The following COL25A1 variants were observed in gnomAD, a reference collection of about 807,000 sequenced individuals.
The protein encoded by COL25A1 is collagen alpha-1(XXV) chain.
Under a neutral mutation model 128.4 loss-of-function variants are expected in COL25A1, and 103 were observed. That is an observed-to-expected ratio of 0.80 (90% CI 0.68 to 0.94). COL25A1 has a LOEUF of 0.94. Ranked by LOEUF, COL25A1 falls within the 40% of genes least tolerant of loss-of-function variation. The pLI, the probability that COL25A1 is intolerant of heterozygous loss-of-function variation, is 0.00. For synonymous variants in COL25A1, 279 were observed against 277.2 expected (o/e 1.01, Z -0.06); for missense variants, 745 against 840.0 (o/e 0.89, Z 1.40).
intron 3 of COL25A1, among the ~76,000 whole-genome samples, chr4:109,083,297 A>G (rs1338836138): frequency 1.3e-5 from 2 of 152,048 alleles, no homozygotes; most frequent in Non-Finnish European, 2.9e-5. Context: ...GTGAAAGGCT[A>G]AAAAAGGAAA....
intron 24 of COL25A1, among the ~76,000 whole-genome samples, 190 bp downstream of exon 24, chr4:108,859,466 T>C (rs528205266): frequency 1.3e-5 from 2 of 152,086 alleles, no homozygotes; most frequent in African/African-American, 4.8e-5. Context: ...GATTGAAAAA[T>C]GCTACAAAAT....
chr4:109,117,415 T>C (rs1319612857), intron 3 of COL25A1, among the ~76,000 whole-genome samples: 1 of 152,048 alleles, frequency 6.6e-6, no homozygotes, highest in African/African-American at 2.4e-5. Context: ...TCTGTGAAAT[T>C]ATTCTTCATA....
chr4:109,039,422 G>GT (rs1374997674), intron 5 of COL25A1, among the ~76,000 whole-genome samples: 5 of 152,106 alleles, frequency 3.3e-5, no homozygotes, highest in East Asian at 1.9e-4. Context: ...CAAAATGACA[G>GT]TTTTTTCTTG....
At chr4:108,832,628 A>C in intron 31 of COL25A1, 195 bp from the exon 32 acceptor site, 1 of 484,276 alleles carries the variant, frequency 2.1e-6, no homozygotes, top group Non-Finnish European at 3.6e-6. Context: ...GAAGTATATA[A>C]CTGCATGTTT....
At chr4:109,103,226 T>C (rs1302620208) in intron 3 of COL25A1, among the ~76,000 whole-genome samples, 2 of 152,288 alleles carry the variant, frequency 1.3e-5, no homozygotes, top group East Asian at 1.9e-4. Context: ...AAAAATTCAA[T>C]GTTTTCATAG....
chr4:109,137,862 T>G (rs1313903037), intron 3 of COL25A1, among the ~76,000 whole-genome samples: 3 of 152,136 alleles, frequency 2.0e-5, no homozygotes, highest in African/African-American at 7.2e-5. Flanking sequence ...CCTACATGCA[T>G]CTGAAAGAAG....
intron 5 of COL25A1, among the ~76,000 whole-genome samples, chr4:109,027,254 G>A (rs1472055352): frequency 2.0e-5 from 3 of 152,140 alleles, no homozygotes; most frequent in Non-Finnish European, 4.4e-5. Context: ...CAATGGGAGG[G>A]CGCTATTTTA....
At chr4:109,144,448 TCA>T (rs1367655488) in intron 3 of COL25A1, among the ~76,000 whole-genome samples, 1 of 152,184 alleles carries the variant, frequency 6.6e-6, no homozygotes, top group African/African-American at 2.4e-5. Context: ...GCTGCTCTCT[TCA>T]CAGTCAGCAG....
chr4:109,002,062 G>C (rs1336560601), intron 6 of COL25A1, among the ~76,000 whole-genome samples: 2 of 152,156 alleles, frequency 1.3e-5, no homozygotes, highest in Non-Finnish European at 2.9e-5. Flanking sequence ...AAGATAACAA[G>C]TGTTGGTAAG....
rs376602089 is a variant in COL25A1, at chr4:109,281,973, A to G, written c.367+18610T>C. On this transcript the variant is annotated intron_variant, in intron 3 of 37. Coordinates refer to ENST00000399132, the MANE Select transcript of COL25A1 (RefSeq NM_198721.4). ...ACAGTGAGTGCTCTTTCTAAGTCAC[A>G]GTCGAATGTGCTATTGTTAATATAA... Among the ~76,000 whole-genome samples the G allele has an allele frequency of 4.1e-4, 63 of 152,348 alleles. 2 individuals carry two copies. The East Asian group carries it at 0.011, about 27-fold the overall frequency.
intron 5 of COL25A1, among the ~76,000 whole-genome samples, chr4:109,030,435 G>T (rs1314654455): frequency 6.6e-6 from 1 of 152,200 alleles, no homozygotes; most frequent in Non-Finnish European, 1.5e-5. Context: ...CAGGGGCAAG[G>T]AATGAGCTGG....
At chr4:108,872,973 G>C (rs1284321086) in intron 19 of COL25A1, among the ~76,000 whole-genome samples, 2 of 151,788 alleles carry the variant, frequency 1.3e-5, no homozygotes, top group Admixed American at 1.3e-4. Context: ...GCTCACTGCA[G>C]GCTTGATCCC....
intron 5 of COL25A1, among the ~76,000 whole-genome samples, chr4:109,041,493 A>G (rs1263611451): frequency 6.6e-6 from 1 of 151,780 alleles, no homozygotes; most frequent in Non-Finnish European, 1.5e-5. Flanking sequence ...CAAGTGATAC[A>G]CCAATGTATG....
chr4:108,910,401 A>G (rs550462738), intron 13 of COL25A1, among the ~76,000 whole-genome samples: 3 of 152,332 alleles, frequency 2.0e-5, no homozygotes, highest in African/African-American at 7.2e-5. Flanking sequence ...TCAAAGAGGA[A>G]AACAATCTAC....
At chr4:108,936,743 A>G (rs1747459464) in intron 11 of COL25A1, among the ~76,000 whole-genome samples, 1 of 149,906 alleles carries the variant, frequency 6.7e-6, no homozygotes, top group South Asian at 2.1e-4. Flanking sequence ...AGCCCAAAGA[A>G]GCCTTGTTGA....
chr4:109,021,516 C>A (rs957395867), intron 5 of COL25A1, among the ~76,000 whole-genome samples: 3 of 152,088 alleles, frequency 2.0e-5, no homozygotes, highest in South Asian at 2.1e-4. Flanking sequence ...CTGCATTAAC[C>A]GTACAAATTG....
intron 3 of COL25A1, among the ~76,000 whole-genome samples, chr4:109,229,161 T>C (rs1439660899): frequency 6.7e-6 from 1 of 149,262 alleles, no homozygotes; most frequent in Non-Finnish European, 1.5e-5. Flanking sequence ...CCTAAAAAAA[T>C]TGGATTTCTA....
chr4:108,819,913 G>T (rs1281757519), intron 35 of COL25A1: 11 of 1,179,496 alleles, frequency 9.3e-6, no homozygotes, highest in African/African-American at 7.9e-5. Flanking sequence ...GGATACAAGG[G>T]TTTAAATAAA....
chr4:109,211,473 AATG>A (rs1777558019), intron 3 of COL25A1, among the ~76,000 whole-genome samples: 2 of 126,202 alleles, frequency 1.6e-5, no homozygotes, highest in African/African-American at 6.9e-5. Context: ...AATGTTCCTT[AATG>A]TTCATTCTGA....
Sources: allele counts gnomAD v4.1 joint callset (sites outside exome capture counted in the v4.1 genomes callset), GRCh38; gene constraint gnomAD v4.1.1; transcripts MANE v1.5; gene names NCBI Gene and HGNC (gene_info 2026-07-23, HGNC 2026-07-21).